MACROD2: variants seen among roughly 807,000 people sequenced by gnomAD.
MACROD2 encodes the protein ADP-ribose glycohydrolase MACROD2.
In MACROD2, 36 loss-of-function variants were observed where a neutral mutation model predicts 70.4. The ratio of observed to expected loss-of-function variants is 0.51; its 90% confidence interval spans 0.39 to 0.68. MACROD2 has a LOEUF of 0.68. Among genes scored for constraint, MACROD2 ranks in the 30% least tolerant of loss-of-function variants. The probability of loss-of-function intolerance (pLI) is 0.00; values close to 1 mark genes in which losing one functional copy is unlikely to be tolerated. For missense variants in MACROD2, 496 were observed against 538.4 expected (o/e 0.92, Z 0.78); for synonymous variants, 172 against 178.8 (o/e 0.96, Z 0.30).
chr20:15,862,735 T>C lies in MACROD2; in HGVS notation c.646-10T>C. 1 of 1,605,264 alleles carries C rather than the reference T, an allele frequency of 6.2e-7. No homozygotes were observed. The highest frequency in any genetic ancestry group is 8.5e-7 in the Non-Finnish European group (1 of 1,176,596). On this transcript the variant is annotated splice_polypyrimidine_tract_variant and intron_variant, in intron 8 of 17. Coordinates refer to ENST00000684519, the MANE Select transcript of MACROD2 (RefSeq NM_001351661.2). ...TTTTTCACTTTGAGTGTTTTATCTT[T>C]TGCCTCTAGGTGGATCGGATCATTT...
At chr20:15,185,788 T>A (rs1489767298) in intron 5 of MACROD2, among the ~76,000 whole-genome samples, 2 of 152,218 alleles carry the variant, frequency 1.3e-5, no homozygotes, top group Non-Finnish European at 2.9e-5. Flanking sequence ...ACTAATCTGT[T>A]GTTTGCTAAA....
chr20:15,049,598 T>G (rs1434526472), intron 5 of MACROD2, among the ~76,000 whole-genome samples: 1 of 152,198 alleles, frequency 6.6e-6, no homozygotes, highest in Non-Finnish European at 1.5e-5. Context: ...CATAGTGTGC[T>G]ACCCTCTAAG....
chr20:14,831,934 TCTGAC>T (rs2072973327), intron 5 of MACROD2, among the ~76,000 whole-genome samples: 1 of 146,226 alleles, frequency 6.8e-6, no homozygotes, highest in Non-Finnish European at 1.5e-5. Context: ...GGGGATGCAT[TCTGAC>T]TATATTGGGT....
chr20:14,714,520 A>C (rs1407313602), intron 5 of MACROD2, among the ~76,000 whole-genome samples: 7 of 152,148 alleles, frequency 4.6e-5, no homozygotes, highest in African/African-American at 1.7e-4. Context: ...CCTATCCCTC[A>C]ACATGACCTA....
intron 3 of MACROD2, among the ~76,000 whole-genome samples, chr20:14,290,246 G>A (rs1198759261): frequency 2.6e-5 from 4 of 152,132 alleles, no homozygotes; most frequent in Non-Finnish European, 5.9e-5. Flanking sequence ...CAGCAAATCT[G>A]CACATATACT....
chr20:14,436,865 C>A (rs894760375), intron 3 of MACROD2, among the ~76,000 whole-genome samples: 1 of 152,198 alleles, frequency 6.6e-6, no homozygotes, highest in Non-Finnish European at 1.5e-5. Context: ...ATTAAGCATG[C>A]ACTTACTGTG....
intron 5 of MACROD2, among the ~76,000 whole-genome samples, chr20:14,973,359 A>C (rs1568906142): frequency 1.3e-5 from 2 of 150,414 alleles, no homozygotes; most frequent in African/African-American, 2.5e-5. Flanking sequence ...AGTAGCTGGG[A>C]CTGCAGGAGC....
At chr20:14,226,914 G>A (rs1279581883) in intron 3 of MACROD2, among the ~76,000 whole-genome samples, 1 of 152,248 alleles carries the variant, frequency 6.6e-6, no homozygotes, top group East Asian at 1.9e-4. Context: ...GGACTGGCAG[G>A]CATCTCCACC....
intron 13 of MACROD2, among the ~76,000 whole-genome samples, chr20:15,979,292 T>C (rs1490336352): frequency 3.3e-5 from 5 of 152,108 alleles, no homozygotes; most frequent in African/African-American, 1.2e-4. Context: ...GAACATGGTT[T>C]ATTAGGAGCA....
At chr20:16,032,204 G>A (rs2067160489) in intron 15 of MACROD2, among the ~76,000 whole-genome samples, 1 of 152,112 alleles carries the variant, frequency 6.6e-6, no homozygotes, top group South Asian at 2.1e-4. Flanking sequence ...GCTAAGCAAT[G>A]AGCACACATG....
chr20:14,682,666 A>G (rs1384989342), intron 4 of MACROD2, among the ~76,000 whole-genome samples: 2 of 152,014 alleles, frequency 1.3e-5, no homozygotes, highest in Non-Finnish European at 2.9e-5. Context: ...TATGGCATTG[A>G]TGGGCTTTTA....
At chr20:14,153,316 G>A (rs558100097) in intron 3 of MACROD2, among the ~76,000 whole-genome samples, 18 of 152,232 alleles carry the variant, frequency 1.2e-4, no homozygotes, top group African/African-American at 3.6e-4. Context: ...ATGCAAAACC[G>A]TCCTAGTGGG....
intron 3 of MACROD2, among the ~76,000 whole-genome samples, chr20:14,429,508 G>C (rs1431737481): frequency 6.6e-6 from 1 of 152,196 alleles, no homozygotes; most frequent in Non-Finnish European, 1.5e-5. Flanking sequence ...ATCAGAGAAA[G>C]CTTCAAGGAG....
intron 2 of MACROD2, among the ~76,000 whole-genome samples, chr20:14,022,776 A>G (rs1237945403): frequency 6.6e-6 from 1 of 152,172 alleles, no homozygotes; most frequent in African/African-American, 2.4e-5. Context: ...AGATGAACTC[A>G]TTCTTTTTTA....
intron 8 of MACROD2, among the ~76,000 whole-genome samples, chr20:15,768,035 C>CAA (rs57723369): frequency 0.023 from 3,322 of 143,148 alleles, 82 homozygotes; most frequent in African/African-American, 0.06. Context: ...GCATCAGTTG[C>CAA]AAAAAAAAAA....
chr20:15,631,061 GT>G (rs2049283726), intron 8 of MACROD2, among the ~76,000 whole-genome samples: 1 of 152,134 alleles, frequency 6.6e-6, no homozygotes, highest in South Asian at 2.1e-4. Context: ...CTAAAAATTA[GT>G]TTGTTTTGTA....
intron 8 of MACROD2, among the ~76,000 whole-genome samples, chr20:15,799,429 A>AC (rs1019954555): frequency 1.1e-4 from 16 of 151,942 alleles, no homozygotes; most frequent in African/African-American, 3.9e-4. Context: ...CCATTAACCA[A>AC]CCTCCCTTCA....
intron 5 of MACROD2, among the ~76,000 whole-genome samples, chr20:15,146,753 G>A (rs1436438660): frequency 1.3e-5 from 2 of 152,144 alleles, no homozygotes; most frequent in Non-Finnish European, 2.9e-5. Context: ...GGAGAGAAGA[G>A]AGGAAAGGAA....
chr20:15,895,889 G>A (rs1162167514), intron 10 of MACROD2, among the ~76,000 whole-genome samples: 1 of 152,196 alleles, frequency 6.6e-6, no homozygotes, highest in Non-Finnish European at 1.5e-5. Flanking sequence ...ATATGGTTAA[G>A]TGATTGCTAT....
Sources: gnomAD v4.1 joint callset for allele counts (sites outside exome capture counted in the v4.1 genomes callset) on GRCh38, gnomAD v4.1.1 for gene constraint, MANE v1.5 for transcripts, NCBI Gene and HGNC (gene_info 2026-07-23, HGNC 2026-07-21) for gene names.